DPP10: variants seen among roughly 807,000 people sequenced by gnomAD.
DPP10 encodes the protein inactive dipeptidyl peptidase 10.
A neutral mutation model predicts 120.9 loss-of-function variants in DPP10; 33 were observed. That is an observed-to-expected ratio of 0.27 (90% confidence interval 0.21 to 0.37). The LOEUF (loss-of-function observed/expected upper bound fraction) is 0.37, where lower values mean the gene tolerates loss of function less well. Among genes scored for constraint, DPP10 ranks in the 10% least tolerant of loss-of-function variants. The probability of loss-of-function intolerance (pLI) is 1.00; values close to 1 mark genes in which losing one functional copy is unlikely to be tolerated. For synonymous variants in DPP10, 337 were observed against 326.1 expected (o/e 1.03, Z -0.36); for missense variants, 816 against 942.8 (o/e 0.87, Z 1.76).
At chr2:115,494,879 A>G (rs191971108) in intron 3 of DPP10, among the ~76,000 whole-genome samples, 2 of 152,254 alleles carry the variant, frequency 1.3e-5, no homozygotes, top group African/African-American at 4.8e-5. Context: ...GTAGAGATAG[A>G]TTATATATTT....
chr2:115,431,620 G>A (rs1055997487), intron 3 of DPP10, among the ~76,000 whole-genome samples: 4 of 152,058 alleles, frequency 2.6e-5, no homozygotes, highest in East Asian at 3.9e-4. Flanking sequence ...TCACATCTCC[G>A]CTAGCCCTCT....
chr2:115,384,282 G>T (rs1460093465), intron 3 of DPP10, among the ~76,000 whole-genome samples: 2 of 152,028 alleles, frequency 1.3e-5, no homozygotes, highest in Non-Finnish European at 2.9e-5. Flanking sequence ...GTCAAGATGG[G>T]AAGATCACTG....
chr2:114,993,092 C>T (rs753875069), intron 1 of DPP10, among the ~76,000 whole-genome samples: 2 of 152,116 alleles, frequency 1.3e-5, no homozygotes, highest in Non-Finnish European at 2.9e-5. Context: ...GACTTTTCTC[C>T]CTTGTTTGTC....
At chr2:115,263,066 C>G (rs551987325) in intron 1 of DPP10, among the ~76,000 whole-genome samples, 36 of 152,056 alleles carry the variant, frequency 2.4e-4, no homozygotes, top group African/African-American at 8.7e-4. Context: ...AAGTGATTAC[C>G]GTGTCCAAGA....
At chr2:115,417,836 T>A (rs1414362948) in intron 3 of DPP10, among the ~76,000 whole-genome samples, 1 of 152,236 alleles carries the variant, frequency 6.6e-6, no homozygotes, top group Admixed American at 6.5e-5. Flanking sequence ...GGTCATGCCA[T>A]TGGTCTATTT....
chr2:114,591,554 A>ATTTTTTT lies in DPP10; in HGVS notation c.60+148728_60+148734dup, dbSNP rs70937292. ...CTCAGAATGTACCCAACCTCTTCCT[A>ATTTTTTT]TTTTTTTTTTTTTTTTTTGAGATGG... On this transcript the variant is annotated intron_variant, in intron 1 of 25. Transcript: ENST00000410059. Among the ~76,000 whole-genome samples the ATTTTTTT allele has an allele frequency of 1.8e-4, 22 of 124,570 alleles. 1 individual carries two copies. The highest frequency in any genetic ancestry group is 5.4e-4 in the African/African-American group (17 of 31,666). The allele number at this position is 124,570 out of a possible 152,430, so 81.7% of individuals were successfully genotyped here.
intron 1 of DPP10, among the ~76,000 whole-genome samples, chr2:114,645,940 T>C (rs578198622): frequency 6.6e-6 from 1 of 152,078 alleles, no homozygotes; most frequent in East Asian, 1.9e-4. Context: ...GGCAGGCGGA[T>C]CATGAGGTCA....
chr2:115,296,493 G>C (rs1010909535), intron 1 of DPP10, among the ~76,000 whole-genome samples: 1 of 152,038 alleles, frequency 6.6e-6, no homozygotes, highest in African/African-American at 2.4e-5. Flanking sequence ...CTTGAAGAGA[G>C]AGCAGGGGAA....
At chr2:115,505,134 T>C (rs1487960724) in intron 4 of DPP10, among the ~76,000 whole-genome samples, 1 of 152,106 alleles carries the variant, frequency 6.6e-6, no homozygotes, top group African/African-American at 2.4e-5. Flanking sequence ...ATAATCATAG[T>C]GTTACTAATA....
intron 1 of DPP10, among the ~76,000 whole-genome samples, chr2:114,700,617 G>A (rs1700331457): frequency 6.6e-6 from 1 of 151,992 alleles, no homozygotes; most frequent in Non-Finnish European, 1.5e-5. Context: ...ACCATGTCAT[G>A]CCTCGGGTTA....
rs190003293 is a variant in DPP10 at position 115,378,797 on chromosome 2, C to T, written c.271+34885C>T. On this transcript the variant is annotated intron_variant, in intron 3 of 25. Coordinates refer to ENST00000410059, the MANE Select transcript of DPP10 (RefSeq NM_020868.6). ...ATTTTGTCAAAGGCCTTTTCTGCATCTATTGAGATAATCATGTGGTTTTTG... is the reference window on the plus strand; with the variant it reads ...ATTTTGTCAAAGGCCTTTTCTGCATTTATTGAGATAATCATGTGGTTTTTG... Among the ~76,000 whole-genome samples the T allele has an allele frequency of 7.6e-4, 115 of 152,262 alleles. 1 individual carries two copies. The East Asian group carries it at 0.017, about 23-fold the overall frequency.
chr2:115,463,612 G>A (rs1052697067), intron 3 of DPP10, among the ~76,000 whole-genome samples: 2 of 151,960 alleles, frequency 1.3e-5, no homozygotes, highest in African/African-American at 4.8e-5. Flanking sequence ...TTTCTTTAAT[G>A]GATTTGGTCT....
chr2:114,939,370 T>C (rs982975557), intron 1 of DPP10, among the ~76,000 whole-genome samples: 6 of 152,162 alleles, frequency 3.9e-5, no homozygotes, highest in African/African-American at 7.2e-5. Context: ...CTAAGTTGTG[T>C]ACTGCCTTTA....
intron 3 of DPP10, among the ~76,000 whole-genome samples, chr2:115,391,316 CTGAT>C (rs916398901): frequency 1.3e-5 from 2 of 152,110 alleles, no homozygotes; most frequent in Non-Finnish European, 2.9e-5. Flanking sequence ...CTACTGGACA[CTGAT>C]TGTGTAAGCA....
intron 1 of DPP10, among the ~76,000 whole-genome samples, chr2:114,579,570 C>G (rs1282606479): frequency 6.6e-6 from 1 of 152,140 alleles, no homozygotes; most frequent in African/African-American, 2.4e-5. Context: ...AATTTATAAC[C>G]TATAACCAAC....
In DPP10 at chr2:115,843,052, G is replaced by A. The variant is rs1690306818; in HGVS notation, c.*707G>A. 2 of 152,540 alleles carry A rather than the reference G, an allele frequency of 1.3e-5. No homozygotes were observed. Among genetic ancestry groups the A allele is most frequent in the Non-Finnish European group, 2.9e-5 (2 of 68,010 alleles). 9.4% of individuals were successfully genotyped at this position (152,540 alleles called of 1,614,324 possible). ...GAAACTATCTTTAAATGTTATTCAT[G>A]CTATAAAGAGTAAACGTTTGATGAA... On this transcript the variant is annotated 3_prime_UTR_variant, in exon 26 of 26. Transcript: ENST00000410059.
At chr2:115,076,440 G>A (rs1231463171) in intron 1 of DPP10, among the ~76,000 whole-genome samples, 5 of 151,886 alleles carry the variant, frequency 3.3e-5, no homozygotes, top group African/African-American at 1.2e-4. Flanking sequence ...ACAGATCAGA[G>A]AGTGTGCTAA....
intron 3 of DPP10, among the ~76,000 whole-genome samples, chr2:115,396,587 C>G (rs957350236): frequency 6.6e-6 from 1 of 152,128 alleles, no homozygotes; most frequent in Non-Finnish European, 1.5e-5. Context: ...GTTGTTGTGT[C>G]TTTCTTGTTT....
At chr2:114,677,161 C>A (rs1007345529) in intron 1 of DPP10, among the ~76,000 whole-genome samples, 5 of 152,006 alleles carry the variant, frequency 3.3e-5, no homozygotes, top group Non-Finnish European at 7.4e-5. Context: ...TGTTTATTTC[C>A]GATAATGATG....
Sources: gnomAD v4.1 joint callset for allele counts (sites outside exome capture counted in the v4.1 genomes callset) on GRCh38, gnomAD v4.1.1 for gene constraint, MANE v1.5 for transcripts, NCBI Gene and HGNC (gene_info 2026-07-23, HGNC 2026-07-21) for gene names.